The following EXOC2 variants were observed in gnomAD, a reference collection of about 807,000 sequenced individuals.
EXOC2 encodes the protein exocyst complex component 2, also known as SEC5-like 1.
Under a neutral mutation model 131.8 loss-of-function variants are expected in EXOC2, and 70 were observed. The observed-to-expected ratio is 0.53, with a 90% confidence interval of 0.44 to 0.65. The LOEUF (loss-of-function observed/expected upper bound fraction) is 0.65. Ranked by LOEUF, EXOC2 falls within the 30% of genes least tolerant of loss-of-function variation. The pLI is 0.00. For missense variants in EXOC2, 923 were observed against 1,108.6 expected (o/e 0.83, Z 2.38); for synonymous variants, 411 against 398.4 (o/e 1.03, Z -0.38).
chr6:512,858 G>A (rs1406665317), intron 23 of EXOC2, among the ~76,000 whole-genome samples: 2 of 152,200 alleles, frequency 1.3e-5, no homozygotes, highest in Admixed American at 1.3e-4. Flanking sequence ...CACGGTTGGT[G>A]TGAAGATAAC....
At chr6:518,947 T>C (rs1288448255) in intron 23 of EXOC2, among the ~76,000 whole-genome samples, 1 of 152,214 alleles carries the variant, frequency 6.6e-6, no homozygotes, top group African/African-American at 2.4e-5. Context: ...TAGGCTTCCC[T>C]CTTCAGAGAT....
intron 23 of EXOC2, among the ~76,000 whole-genome samples, chr6:501,145 T>TTA (rs1554117226): frequency 1.4e-5 from 1 of 68,994 alleles, no homozygotes; most frequent in Non-Finnish European, 2.6e-5. Context: ...TATCTATATA[T>TTA]ATTATATATA....
At chr6:567,673 GTGTC>G (rs1758048337) in intron 13 of EXOC2, among the ~76,000 whole-genome samples, 2 of 152,102 alleles carry the variant, frequency 1.3e-5, no homozygotes, top group Admixed American at 1.3e-4. Flanking sequence ...GATGTGTTGT[GTGTC>G]TGTTGTGTGT....
intron 1 of EXOC2, among the ~76,000 whole-genome samples, chr6:672,753 C>T (rs532991709): frequency 6.6e-6 from 1 of 152,296 alleles, no homozygotes; most frequent in East Asian, 1.9e-4. Flanking sequence ...TGCTGATTTT[C>T]AGTCTGTTTA....
intron 1 of EXOC2, among the ~76,000 whole-genome samples, chr6:685,171 C>G (rs898332402): frequency 1.3e-5 from 2 of 151,950 alleles, no homozygotes; most frequent in African/African-American, 4.8e-5. Context: ...AAACGTCCAC[C>G]CTTCCCCATA....
At chr6:690,988 A>T (rs547462941) in intron 1 of EXOC2, among the ~76,000 whole-genome samples, 9 of 152,284 alleles carry the variant, frequency 5.9e-5, no homozygotes, top group African/African-American at 2.2e-4. Context: ...TCCATTCAAT[A>T]AACATTTAAG....
intron 7 of EXOC2, among the ~76,000 whole-genome samples, chr6:606,407 A>G (rs1760414255): frequency 6.6e-6 from 1 of 152,224 alleles, no homozygotes; most frequent in Non-Finnish European, 1.5e-5. Flanking sequence ...CCTAGAACTT[A>G]AAGTATAATA....
intron 22 of EXOC2, among the ~76,000 whole-genome samples, chr6:536,244 A>G (rs556702860): frequency 2.6e-5 from 4 of 152,372 alleles, no homozygotes; most frequent in Admixed American, 6.5e-5. Context: ...TTACGTATTT[A>G]GAAATTCTAA....
At chr6:647,177 G>A (rs987837583) in intron 1 of EXOC2, among the ~76,000 whole-genome samples, 1 of 152,062 alleles carries the variant, frequency 6.6e-6, no homozygotes. Context: ...ATAAGCATGT[G>A]GTTAAAAGTG....
At chr6:566,145 AATC>A (rs1449543988) in intron 13 of EXOC2, among the ~76,000 whole-genome samples, 1 of 152,206 alleles carries the variant, frequency 6.6e-6, no homozygotes, top group Non-Finnish European at 1.5e-5. Context: ...CCATCTCAAT[AATC>A]ATTCAAAAAG....
At chr6:634,404 C>A (rs1351257391) in intron 2 of EXOC2, among the ~76,000 whole-genome samples, 3 of 152,116 alleles carry the variant, frequency 2.0e-5, no homozygotes, top group Non-Finnish European at 2.9e-5. Context: ...CACTTTTTCT[C>A]ATTATTTAAC....
chr6:556,384 A>G, intron 18 of EXOC2, 100 bp downstream of exon 18: 2 of 1,188,696 alleles, frequency 1.7e-6, no homozygotes, highest in Non-Finnish European at 2.5e-6. Flanking sequence ...GCAGGCGAAG[A>G]GGGAGAAAAG....
chr6:521,829 C>T (rs1180467200), intron 23 of EXOC2, among the ~76,000 whole-genome samples: 1 of 152,062 alleles, frequency 6.6e-6, no homozygotes, highest in African/African-American at 2.4e-5. Context: ...TGCCTGGTCT[C>T]GAATTCTTTG....
rs567802273 is a variant in EXOC2, at chr6:548,156, C to T, written c.2238+1019G>A. Among the ~76,000 whole-genome samples, 18 of 152,186 alleles carry T rather than the reference C, an allele frequency of 1.2e-4. 1 individual carries two copies. The South Asian group carries it at 3.7e-3, about 32-fold the overall frequency. ...TGGAAATAAACTAGACATTTGGCCC[C>T]AAAGGCTTAAGTCACGACATTTCTC... On this transcript the variant is annotated intron_variant, in intron 22 of 27. Transcript: ENST00000230449.
intron 13 of EXOC2, among the ~76,000 whole-genome samples, chr6:565,872 G>A (rs180771163): frequency 6.6e-6 from 1 of 152,130 alleles, no homozygotes; most frequent in Non-Finnish European, 1.5e-5. Context: ...TATAAAAACT[G>A]CGTGTAGGGT....
chr6:618,741 TAA>T (rs1276108783), intron 5 of EXOC2, among the ~76,000 whole-genome samples: 1 of 152,264 alleles, frequency 6.6e-6, no homozygotes, highest in Non-Finnish European at 1.5e-5. Flanking sequence ...TGTTTTCTAG[TAA>T]TGCTTTTCAC....
intron 1 of EXOC2, among the ~76,000 whole-genome samples, chr6:663,599 G>A (rs1180148208): frequency 1.3e-5 from 2 of 152,118 alleles, no homozygotes; most frequent in Admixed American, 1.3e-4. Flanking sequence ...ATGATCAAGG[G>A]AGTTTCATAC....
intron 1 of EXOC2, among the ~76,000 whole-genome samples, chr6:640,252 T>C (rs985353745): frequency 6.6e-6 from 1 of 152,240 alleles, no homozygotes; most frequent in Non-Finnish European, 1.5e-5. Flanking sequence ...AGCCTCATTC[T>C]GTGCTTTGGG....
chr6:627,232 T>A (rs1761618964), intron 4 of EXOC2, among the ~76,000 whole-genome samples: 1 of 130,904 alleles, frequency 7.6e-6, no homozygotes, highest in Non-Finnish European at 1.6e-5. Flanking sequence ...CACAGCTTTC[T>A]TGACAGTATC....
Sources: gnomAD v4.1 joint callset for allele counts (sites outside exome capture counted in the v4.1 genomes callset) on GRCh38, gnomAD v4.1.1 for gene constraint, MANE v1.5 for transcripts, NCBI Gene and HGNC (gene_info 2026-07-23, HGNC 2026-07-21) for gene names.